Variants in NCOA2 observed in about 807,000 individuals in gnomAD.
NCOA2 encodes the protein class E basic helix-loop-helix protein 75.
In NCOA2, 21 loss-of-function variants were observed where a neutral mutation model predicts 145.1. The ratio of observed to expected loss-of-function variants is 0.14; its 90% CI spans 0.10 to 0.21. The LOEUF is 0.21. Ranked by LOEUF, NCOA2 falls within the 10% of genes least tolerant of loss-of-function variation. The pLI, the probability that NCOA2 is intolerant of heterozygous loss-of-function variation, is 1.00. For missense variants in NCOA2, 1,472 were observed against 1,837.6 expected, an observed-to-expected ratio of 0.80 and a Z score of 3.64; for synonymous variants, 619 against 637.5, an observed-to-expected ratio of 0.97 and a Z score of 0.44.
rs1812752943 is a variant in NCOA2 at position 70,387,288 on chromosome 8, C to T, written c.-77+16412G>A. Among the ~76,000 whole-genome samples the T allele has an allele frequency of 2.0e-5, 3 of 152,296 alleles. No individual in the cohort carries two copies. In the South Asian group the frequency reaches 6.2e-4, roughly 32 times the overall value. Reference sequence around the variant, plus strand: ...TCAAGCAGTCCTCCTGACTCAGCCTCCTGAGTAGCTGGGGCTTTGGGTATG... The same window carrying T: ...TCAAGCAGTCCTCCTGACTCAGCCTTCTGAGTAGCTGGGGCTTTGGGTATG... On this transcript the variant is annotated intron_variant, in intron 1 of 22. Transcript: ENST00000452400.
At chr8:70,349,257 C>A (rs904176791) in intron 1 of NCOA2, among the ~76,000 whole-genome samples, 2 of 151,632 alleles carry the variant, frequency 1.3e-5, no homozygotes, top group African/African-American at 4.8e-5. Context: ...ATCATTACAC[C>A]CATAGATACA....
chr8:70,454,463 C>T, the NCOA2 span, among the ~76,000 whole-genome samples: 1 of 152,174 alleles, frequency 6.6e-6, no homozygotes, highest in Non-Finnish European at 1.5e-5. Flanking sequence ...TCGGAGGAAA[C>T]TGTATTTAGA....
At chr8:70,434,736 T>A in the NCOA2 span, among the ~76,000 whole-genome samples, 2 of 151,998 alleles carry the variant, frequency 1.3e-5, no homozygotes, top group African/African-American at 4.8e-5. Flanking sequence ...CCCAGATAAT[T>A]TTTTTAAAAT....
chr8:70,143,056 T>C (rs1810632393), intron 13 of NCOA2, among the ~76,000 whole-genome samples: 1 of 151,998 alleles, frequency 6.6e-6, no homozygotes, highest in African/African-American at 2.4e-5. Flanking sequence ...TTCAAGTGAT[T>C]CTCCTGCCTC....
intron 6 of NCOA2, among the ~76,000 whole-genome samples, chr8:70,168,791 A>G (rs10504468): frequency 0.045 from 6,923 of 152,352 alleles, 264 homozygotes; most frequent in East Asian, 0.16. Flanking sequence ...TAGTGAATTA[A>G]TAAGTAGAAG....
Position 70,203,610 on chromosome 8 carries a change from G to T in NCOA2, c.259+10293C>A, listed in dbSNP as rs763601749. Among the ~76,000 whole-genome samples the T allele has an allele frequency of 5.5e-3, 841 of 151,928 alleles. 2 individuals are homozygous for T. Among genetic ancestry groups the T allele is most frequent in the Non-Finnish European group, 9.6e-3 (650 of 67,944 alleles). On this transcript the variant is annotated intron_variant, in intron 4 of 22. Transcript: ENST00000452400. ...AAAAGAAATAAGAAAGAAAGAAACAGAAAAACCTACTTTAAACCTAAGCTA... is the reference window on the plus strand; with the variant it reads ...AAAAGAAATAAGAAAGAAAGAAACATAAAAACCTACTTTAAACCTAAGCTA...
At chr8:70,391,971 TTACTTTGA>T (rs1813249810) in intron 1 of NCOA2, among the ~76,000 whole-genome samples, 1 of 152,204 alleles carries the variant, frequency 6.6e-6, no homozygotes, top group African/African-American at 2.4e-5. Flanking sequence ...TATCTGTAAT[TTACTTTGA>T]AATGGTTTAT....
chr8:70,125,166 C>A (rs1808274395), intron 19 of NCOA2, among the ~76,000 whole-genome samples: 1 of 151,848 alleles, frequency 6.6e-6, no homozygotes, highest in Admixed American at 6.6e-5. Context: ...CTTTCCAAAT[C>A]AAGAATGAGT....
chr8:70,172,499 A>G (rs1051356300), intron 5 of NCOA2, among the ~76,000 whole-genome samples: 4 of 152,242 alleles, frequency 2.6e-5, no homozygotes, highest in African/African-American at 7.2e-5. Flanking sequence ...AGGTTCACCC[A>G]TTTGGTTTTT....
chr8:70,131,106 T>C (rs1809042258), intron 16 of NCOA2, among the ~76,000 whole-genome samples: 1 of 152,188 alleles, frequency 6.6e-6, no homozygotes, highest in Non-Finnish European at 1.5e-5. Flanking sequence ...TCCCCAAAAT[T>C]ATGGTGGGCT....
At chr8:70,260,424 C>G (rs1013583849) in intron 2 of NCOA2, among the ~76,000 whole-genome samples, 5 of 152,034 alleles carry the variant, frequency 3.3e-5, no homozygotes, top group Non-Finnish European at 7.4e-5. Context: ...GCATGAGGCA[C>G]CACGTCTGGC....
intron 4 of NCOA2, among the ~76,000 whole-genome samples, chr8:70,181,079 CTT>C: frequency 6.6e-6 from 1 of 152,276 alleles, no homozygotes; most frequent in East Asian, 1.9e-4. Context: ...ATTAGGTACT[CTT>C]AATCAATTTT....
At chr8:70,222,500 T>G (rs1820240020) in intron 2 of NCOA2, among the ~76,000 whole-genome samples, 2 of 152,204 alleles carry the variant, frequency 1.3e-5, no homozygotes, top group Admixed American at 1.3e-4. Flanking sequence ...TATCGTCTGC[T>G]CTTAGATTAC....
Position 70,141,172 on chromosome 8 carries a change from G to GTAGT in NCOA2, c.3028+11_3028+12insACTA, listed in dbSNP as rs770973990. 3.7e-6 allele frequency: 6 copies of GTAGT among 1,611,654 alleles called. No homozygotes were observed. Among genetic ancestry groups the GTAGT allele is most frequent in the Non-Finnish European group, 5.1e-6 (6 of 1,178,736 alleles). On this transcript the variant is annotated intron_variant, in intron 14 of 22. Coordinates refer to ENST00000452400, the MANE Select transcript of NCOA2 (RefSeq NM_006540.4). Reference sequence around the variant, plus strand: ...TAAAAGTTAAAAGCAAACAGCACTAGAGCCACCTTACCTATATTCATGACC... The same window carrying GTAGT: ...TAAAAGTTAAAAGCAAACAGCACTAGTAGTAGCCACCTTACCTATATTCATGACC...
At chr8:70,263,686 G>T (rs932622035) in intron 2 of NCOA2, among the ~76,000 whole-genome samples, 1 of 151,378 alleles carries the variant, frequency 6.6e-6, no homozygotes, top group African/African-American at 2.4e-5. Flanking sequence ...CCGAGATCGC[G>T]CCACTGCACT....
chr8:70,130,067 C>G (rs1808915475), intron 16 of NCOA2, among the ~76,000 whole-genome samples: 1 of 152,222 alleles, frequency 6.6e-6, no homozygotes, highest in African/African-American at 2.4e-5. Context: ...CTGATCAGCA[C>G]AGCCCTAAGG....
At chr8:70,452,188 C>A in the NCOA2 span, among the ~76,000 whole-genome samples, 1 of 152,164 alleles carries the variant, frequency 6.6e-6, no homozygotes, top group African/African-American at 2.4e-5. Context: ...GTTGCCCAGG[C>A]TGGTCTCAAA....
At chr8:70,183,507 T>C (rs16936812) in intron 4 of NCOA2, among the ~76,000 whole-genome samples, 8,443 of 152,266 alleles carry the variant, frequency 0.055, 304 homozygotes, top group East Asian at 0.16. Context: ...TAAATCACAA[T>C]TCTGTTTATT....
At chr8:70,176,243 G>A (rs1585966402) in intron 4 of NCOA2, among the ~76,000 whole-genome samples, 1 of 152,206 alleles carries the variant, frequency 6.6e-6, no homozygotes, top group African/African-American at 2.4e-5. Flanking sequence ...TTTCTCTGCA[G>A]AGCTTATCAT....
Sources: allele counts gnomAD v4.1 joint callset (sites outside exome capture counted in the v4.1 genomes callset), GRCh38; gene constraint gnomAD v4.1.1; transcripts MANE v1.5; gene names NCBI Gene and HGNC (gene_info 2026-07-23, HGNC 2026-07-21).